MTUS2: variants seen among roughly 807,000 people sequenced by gnomAD.
MTUS2 encodes the protein microtubule associated scaffold protein 2.
In MTUS2, 40 loss-of-function variants were observed where a neutral mutation model predicts 114.1. That is an observed-to-expected ratio of 0.35 (90% CI 0.27 to 0.46). The LOEUF (loss-of-function observed/expected upper bound fraction) is 0.46, where lower values mean the gene tolerates loss of function less well. Ranked by LOEUF, MTUS2 falls within the 20% of genes least tolerant of loss-of-function variation. The probability of loss-of-function intolerance (pLI) is 1.00; values close to 1 mark genes in which losing one functional copy is unlikely to be tolerated. For synonymous variants in MTUS2, 688 were observed against 672.0 expected (o/e 1.02, Z -0.37); for missense variants, 1,679 against 1,705.4 (o/e 0.98, Z 0.27).
intron 1 of MTUS2, among the ~76,000 whole-genome samples, chr13:28,821,889 A>C (rs1391263455): frequency 2.6e-5 from 4 of 152,218 alleles, no homozygotes; most frequent in Non-Finnish European, 4.4e-5. Context: ...TTTTGTCTAA[A>C]TGCTCTTTCT....
chr13:29,187,312 G>A (rs1894267051), intron 5 of MTUS2, among the ~76,000 whole-genome samples: 1 of 151,994 alleles, frequency 6.6e-6, no homozygotes, highest in South Asian at 2.1e-4. Flanking sequence ...ACCAAAAGTT[G>A]GTTCTTAGCA....
In MTUS2 at chr13:29,503,381, A is replaced by G. The variant is rs1260674250; in HGVS notation, c.*175A>G. ...TAAGACTGCCCTGGTGTCGGCACTT[A>G]GGAATGTGTAAATGGTAAAGTCTGA... On this transcript the variant is annotated 3_prime_UTR_variant, in exon 16 of 16. Coordinates refer to ENST00000612955, the MANE Select transcript of MTUS2 (RefSeq NM_001033602.4). 1.2e-5 allele frequency: 8 copies of G among 657,756 alleles called. No individual in the cohort carries two copies. In the Admixed American group the frequency reaches 2.3e-4, roughly 19 times the overall value. 40.7% of individuals were successfully genotyped at this position (657,756 alleles called of 1,614,324 possible). A position where few individuals can be genotyped will look rare whatever the true frequency, so the allele number is the denominator to read the frequency against.
chr13:29,414,947 T>C (rs1227764589), intron 8 of MTUS2, among the ~76,000 whole-genome samples: 2 of 151,588 alleles, frequency 1.3e-5, no homozygotes, highest in East Asian at 3.8e-4. Flanking sequence ...TCCTCTGATA[T>C]ATGCTTTAAA....
At chr13:29,116,885 T>A (rs763077844) in intron 5 of MTUS2, among the ~76,000 whole-genome samples, 4 of 152,198 alleles carry the variant, frequency 2.6e-5, no homozygotes, top group Non-Finnish European at 5.9e-5. Flanking sequence ...ATAAATTGTT[T>A]GTTTCTGGAA....
Position 29,307,413 on chromosome 13 carries a change from C to T in MTUS2, c.2807-17200C>T, listed in dbSNP as rs142948817. On this transcript the variant is annotated intron_variant, in intron 6 of 15. Coordinates refer to ENST00000612955, the MANE Select transcript of MTUS2 (RefSeq NM_001033602.4). Reference sequence around the variant, plus strand: ...AGAACATCATCCCTGCCCCTAGTGACGCTGCCAAGGCTGTGGCCAAGGTCA... The same window carrying T: ...AGAACATCATCCCTGCCCCTAGTGATGCTGCCAAGGCTGTGGCCAAGGTCA... 3.8e-4 allele frequency: 456 copies of T among 1,185,234 alleles called. 2 individuals are homozygous for T. The African/African-American group carries it at 4.6e-3, about 12-fold the overall frequency. The allele number at this position is 1,185,234 out of a possible 1,614,324, so 73.4% of individuals were successfully genotyped here.
chr13:28,873,214 A>G (rs7336958), intron 2 of MTUS2, among the ~76,000 whole-genome samples: 26,256 of 152,182 alleles, frequency 0.17, 2,772 homozygotes, highest in African/African-American at 0.29. Context: ...TCGGTGACAC[A>G]TGTTTGAGTT....
chr13:29,105,073 G>A (rs1213597737), intron 5 of MTUS2, among the ~76,000 whole-genome samples: 2 of 152,162 alleles, frequency 1.3e-5, no homozygotes, highest in Non-Finnish European at 1.5e-5. Flanking sequence ...CGATGCCCAT[G>A]GGAAATAGTC....
chr13:29,257,372 C>T (rs1377851279), intron 5 of MTUS2, among the ~76,000 whole-genome samples: 14 of 152,216 alleles, frequency 9.2e-5, no homozygotes, highest in Admixed American at 9.2e-4. Context: ...TCACCATCTT[C>T]TGCTACCTTC....
intron 7 of MTUS2, among the ~76,000 whole-genome samples, chr13:29,331,754 A>G (rs1900788687): frequency 6.6e-6 from 1 of 152,168 alleles, no homozygotes; most frequent in Admixed American, 6.5e-5. Flanking sequence ...GTTTATTGAG[A>G]GTTTTTAGCA....
chr13:28,866,296 CTGTT>C (rs146398310), intron 2 of MTUS2, among the ~76,000 whole-genome samples: 1,526 of 152,292 alleles, frequency 0.01, 29 homozygotes, highest in African/African-American at 0.035. Context: ...TCACCATAAG[CTGTT>C]TGACTTTTTC....
At chr13:29,494,843 A>G (rs1244535176) in intron 12 of MTUS2, among the ~76,000 whole-genome samples, 2 of 152,050 alleles carry the variant, frequency 1.3e-5, no homozygotes, top group Admixed American at 1.3e-4. Context: ...CTTCAAGACC[A>G]GCCTGGCCAA....
Position 29,026,635 on chromosome 13 carries a change from C to G in MTUS2, c.1937C>G (p.Thr646Ser). Residue 646 changes from threonine to serine, a missense_variant, in exon 3 of 16, where the codon ACC becomes AGC. Coordinates refer to ENST00000612955, the MANE Select transcript of MTUS2 (RefSeq NM_001033602.4). ...AAGCATGTGAGGCCCAAGATCATCA[C>G]CTACATCAGGAGGAATCCCCAGGCC... ...KPKHVRPKII[T>S]YIRRNPQALG... 6.2e-7 allele frequency: 1 copy of G among 1,613,998 alleles called. No individual in the cohort carries two copies. Among genetic ancestry groups the G allele is most frequent in the African/African-American group, 1.3e-5 (1 of 75,058 alleles).
chr13:29,088,783 C>T (rs2475531), intron 4 of MTUS2, among the ~76,000 whole-genome samples: 98,214 of 151,994 alleles, frequency 0.65, 32,825 homozygotes, highest in Non-Finnish European at 0.74. Context: ...ATAAAAATAG[C>T]AACCCCTGTT....
rs118031174 is a variant in MTUS2, at chr13:29,459,756, A to G, written c.3184+19707A>G. Among the ~76,000 whole-genome samples, 1,259 of 152,328 alleles carry G rather than the reference A, an allele frequency of 8.3e-3. 10 individuals are homozygous for G. Among genetic ancestry groups the G allele is most frequent in the Non-Finnish European group, 0.014 (976 of 68,030 alleles). The stretch of plus-strand genomic sequence containing the variant: ...TAAAGAGATCCTTCTGTGACTTTCT[A>G]TCATTCATAGGTTAGCTAGAATTCA... On this transcript the variant is annotated intron_variant, in intron 9 of 15. Coordinates refer to ENST00000612955, the MANE Select transcript of MTUS2 (RefSeq NM_001033602.4).
intron 1 of MTUS2, among the ~76,000 whole-genome samples, chr13:28,826,867 A>G (rs1198800537): frequency 1.3e-5 from 2 of 152,246 alleles, no homozygotes; most frequent in East Asian, 1.9e-4. Flanking sequence ...TCCACACTTC[A>G]TCAGATTGCT....
chr13:29,130,635 A>T (rs975159855), intron 5 of MTUS2, among the ~76,000 whole-genome samples: 21 of 151,624 alleles, frequency 1.4e-4, no homozygotes, highest in Admixed American at 6.6e-5. Context: ...TATTTATTTT[A>T]TTTATTTTTG....
rs575407098 is a variant in MTUS2 at position 29,116,583 on chromosome 13, G to T, written c.2644+15613G>T. On this transcript the variant is annotated intron_variant, in intron 5 of 15. Coordinates refer to ENST00000612955, the MANE Select transcript of MTUS2 (RefSeq NM_001033602.4). ...GACTTACAAATTAGACACAGCAAGA[G>T]ATTAAGAACAATAATAATAAAATAG... 7.2e-5 allele frequency among the ~76,000 whole-genome samples: 11 copies of T among 152,234 alleles called. No homozygotes were observed. The South Asian group carries it at 2.3e-3, about 32-fold the overall frequency.
chr13:29,229,343 C>A (rs1460103227), intron 5 of MTUS2, among the ~76,000 whole-genome samples: 1 of 152,158 alleles, frequency 6.6e-6, no homozygotes, highest in African/African-American at 2.4e-5. Context: ...TTTTCTTGAC[C>A]TTTACTTGGA....
intron 2 of MTUS2, among the ~76,000 whole-genome samples, chr13:28,972,345 T>G (rs1883895008): frequency 6.6e-6 from 1 of 152,204 alleles, no homozygotes; most frequent in African/African-American, 2.4e-5. Context: ...TCAGCATTAT[T>G]AACCTAAGAA....
Sources: gnomAD v4.1 joint callset for allele counts (sites outside exome capture counted in the v4.1 genomes callset) on GRCh38, gnomAD v4.1.1 for gene constraint, MANE v1.5 for transcripts, NCBI Gene and HGNC (gene_info 2026-07-23, HGNC 2026-07-21) for gene names.